The following PDIA6 variants were observed in gnomAD, a reference collection of about 807,000 sequenced individuals.
The protein encoded by PDIA6 is protein disulfide isomerase family A member 6.
In PDIA6, 29 loss-of-function variants were observed where a neutral mutation model predicts 58.4. The ratio of observed to expected loss-of-function variants is 0.50; its 90% confidence interval spans 0.37 to 0.68. PDIA6 has a LOEUF of 0.68. Among genes scored for constraint, PDIA6 ranks in the 30% least tolerant of loss-of-function variants. PDIA6 has a pLI of 0.00. For synonymous variants in PDIA6, 192 were observed against 202.6 expected (o/e 0.95, Z 0.44); for missense variants, 480 against 551.0 (o/e 0.87, Z 1.29).
chr2:10,830,050 C>T (rs554135023), intron 1 of PDIA6, among the ~76,000 whole-genome samples: 1 of 152,312 alleles, frequency 6.6e-6, no homozygotes, highest in Admixed American at 6.5e-5. Context: ...TTGGCTGACA[C>T]TCAACCCTTA....
chr2:10,792,782 G>A (rs190767006), intron 5 of PDIA6, among the ~76,000 whole-genome samples: 2 of 152,182 alleles, frequency 1.3e-5, no homozygotes, highest in East Asian at 1.9e-4. Flanking sequence ...AGGAAAACCC[G>A]TCCATCCCAT....
chr2:10,823,439 T>C (rs758434662), intron 1 of PDIA6: 2 of 152,190 alleles, frequency 1.3e-5, no homozygotes. Context: ...AGGAAATAAA[T>C]CTCTATTCAG....
chr2:10,819,262 T>C, intron 2 of PDIA6: 6 of 1,485,540 alleles, frequency 4.0e-6, no homozygotes, highest in South Asian at 1.2e-5. Context: ...TCTGGGAGTT[T>C]CCTCTACTTA....
chr2:10,786,271 C>T (rs557533047), intron 11 of PDIA6, among the ~76,000 whole-genome samples: 6 of 151,352 alleles, frequency 4.0e-5, no homozygotes, highest in African/African-American at 7.3e-5. Context: ...TGCAGTGAGC[C>T]GAGATCGTGC....
chr2:10,819,349 G>C (rs72779453), exon 2 of PDIA6: 198,071 of 1,474,602 alleles, frequency 0.13, 16,031 homozygotes, highest in Middle Eastern at 0.17. Context: ...GGAGAAGTTG[G>C]TGAGCCTGAA....
upstream of PDIA6, among the ~76,000 whole-genome samples, chr2:10,814,949 T>C (rs1667147038): frequency 6.6e-6 from 1 of 152,192 alleles, no homozygotes; most frequent in Non-Finnish European, 1.5e-5. Context: ...GGGCTGATCC[T>C]CGTGGAGAAA....
At chr2:10,793,032 T>C in intron 5 of PDIA6, 64 bp downstream of exon 5, 2 of 1,014,964 alleles carry the variant, frequency 2.0e-6, no homozygotes, top group Non-Finnish European at 3.1e-6. Context: ...AACTATCTTA[T>C]ACAAGGTATC....
rs372123293 is a variant in PDIA6, at chr2:10,789,746, T to C, written c.840+3A>G. 68 of 1,613,062 alleles carry C rather than the reference T, an allele frequency of 4.2e-5. No individual in the cohort carries two copies. The highest frequency in any genetic ancestry group is 5.4e-5 in the Non-Finnish European group (64 of 1,179,624). ...TGGACTACAAGCAGTTGAAGTGGTT[T>C]ACCTCAAGCAGCTCAGGAGGTGGGG... On this transcript the variant is annotated splice_donor_region_variant and intron_variant, in intron 8 of 12. Coordinates refer to ENST00000272227, the MANE Select transcript of PDIA6 (RefSeq NM_005742.4).
chr2:10,816,672 T>C (rs1558459262), upstream of PDIA6, among the ~76,000 whole-genome samples: 4 of 152,282 alleles, frequency 2.6e-5, no homozygotes, highest in Admixed American at 2.6e-4. Context: ...AGACCACATA[T>C]GTGACTGGGA....
At chr2:10,806,622 T>TAAACACAAAGAAAGAAAG (rs1553339908) in intron 1 of PDIA6, among the ~76,000 whole-genome samples, 1 of 48,694 alleles carries the variant, frequency 2.1e-5, no homozygotes, top group East Asian at 5.7e-4. Context: ...TCCTAAAAAA[T>TAAACACAAAGAAAGAAAG]AAAGACAGAA....
rs745377281 is a variant in PDIA6 at position 10,788,736 on chromosome 2, A to G, written c.959T>C (p.Leu320Pro). Residue 320 changes from leucine to proline, a missense_variant, in exon 10 of 13, where the codon CTT becomes CCT. Leu to Pro is a moderately conservative substitution (Grantham distance 98). Coordinates refer to ENST00000272227, the MANE Select transcript of PDIA6 (RefSeq NM_005742.4). The stretch of plus-strand genomic sequence containing the variant: ...TTTGTATTTGTCTGCCAACTTCAGA[A>G]GAACTTCCAGATAAGAATTTCTGCC... Reference protein sequence around the residue: ...AAGRNSYLEVLLKLADKYKKK... With the variant: ...AAGRNSYLEVPLKLADKYKKK... 1.9e-6 allele frequency: 3 copies of G among 1,613,752 alleles called. No homozygotes were observed. Among genetic ancestry groups the G allele is most frequent in the East Asian group, 4.5e-5 (2 of 44,890 alleles).
At chr2:10,803,399 C>T (rs186052054) in intron 1 of PDIA6, among the ~76,000 whole-genome samples, 108 of 152,338 alleles carry the variant, frequency 7.1e-4, no homozygotes, top group African/African-American at 2.4e-3. Context: ...TCAGGTGATC[C>T]GCCTGCCTCG....
At chr2:10,825,020 C>T (rs1010651975) in intron 1 of PDIA6, among the ~76,000 whole-genome samples, 1 of 152,214 alleles carries the variant, frequency 6.6e-6, no homozygotes, top group Admixed American at 6.5e-5. Context: ...TAATCAGCTG[C>T]CAATACAGCT....
chr2:10,790,154 T>G (rs1439083217), intron 7 of PDIA6, among the ~76,000 whole-genome samples: 1 of 152,050 alleles, frequency 6.6e-6, no homozygotes, highest in East Asian at 1.9e-4. Flanking sequence ...AATATTTGTA[T>G]TTTTAATAGA....
At position 10,790,713 on chromosome 2, in the gene PDIA6, A is replaced by G; in HGVS notation, c.699+6T>C. On this transcript the variant is annotated splice_donor_region_variant and intron_variant, in intron 7 of 12. Coordinates refer to ENST00000272227, the MANE Select transcript of PDIA6 (RefSeq NM_005742.4). ...ACAATGAAATGAGCCTTATAAGTATACTCACCCCGTATCGGGAGGCCAGAA... is the reference window on the plus strand; with the variant it reads ...ACAATGAAATGAGCCTTATAAGTATGCTCACCCCGTATCGGGAGGCCAGAA... 5 of 1,591,420 alleles carry G rather than the reference A, an allele frequency of 3.1e-6. No individual in the cohort carries two copies. The highest frequency in any genetic ancestry group is 4.3e-6 in the Non-Finnish European group (5 of 1,159,358).
chr2:10,810,791 A>G (rs996301479), intron 1 of PDIA6, among the ~76,000 whole-genome samples: 5 of 152,000 alleles, frequency 3.3e-5, no homozygotes, highest in Non-Finnish European at 5.9e-5. Flanking sequence ...AACACAAAAA[A>G]CCCTGGGCTC....
upstream of PDIA6, among the ~76,000 whole-genome samples, chr2:10,833,311 C>T (rs796925019): frequency 9.8e-5 from 15 of 152,294 alleles, no homozygotes; most frequent in Non-Finnish European, 1.6e-4. Context: ...TCCCCTCCTC[C>T]GGCTCCCGCA....
At chr2:10,834,560 T>G (rs1486311222), upstream of PDIA6, among the ~76,000 whole-genome samples, 1 of 152,148 alleles carries the variant, frequency 6.6e-6, no homozygotes, top group Non-Finnish European at 1.5e-5. Flanking sequence ...CCTTGTGGCC[T>G]GGATGCAGGC....
chr2:10,818,001 G>A (rs34223905), intron 2 of PDIA6, among the ~76,000 whole-genome samples: 2 of 152,078 alleles, frequency 1.3e-5, no homozygotes, highest in African/African-American at 4.8e-5. Flanking sequence ...CTCTTCCTAG[G>A]GGTGCTCAGG....
Sources: gnomAD v4.1 joint callset for allele counts (sites outside exome capture counted in the v4.1 genomes callset) on GRCh38, gnomAD v4.1.1 for gene constraint, MANE v1.5 for transcripts, NCBI Gene and HGNC (gene_info 2026-07-23, HGNC 2026-07-21) for gene names.